The following PITPNC1 variants were observed in gnomAD, a reference collection of about 807,000 sequenced individuals.
PITPNC1 encodes the protein phosphatidylinositol transfer protein cytoplasmic 1.
In PITPNC1, 18 loss-of-function variants were observed where a neutral mutation model predicts 44.7. The observed-to-expected ratio is 0.40, with a 90% CI of 0.28 to 0.60. The LOEUF is 0.60. Among genes scored for constraint, PITPNC1 ranks in the 20% least tolerant of loss-of-function variants. The pLI is 0.39. For missense variants in PITPNC1, 290 were observed against 418.4 expected, an observed-to-expected ratio of 0.69 and a Z score of 2.68; for synonymous variants, 141 against 149.6, an observed-to-expected ratio of 0.94 and a Z score of 0.42.
At chr17:67,663,922 T>C (rs987782496) in intron 6 of PITPNC1, among the ~76,000 whole-genome samples, 1 of 152,148 alleles carries the variant, frequency 6.6e-6, no homozygotes, top group African/African-American at 2.4e-5. Flanking sequence ...AGCGAGCTTC[T>C]AGAATCAAGT....
intron 1 of PITPNC1, among the ~76,000 whole-genome samples, chr17:67,526,538 G>T (rs897991316): frequency 1.3e-5 from 2 of 152,068 alleles, no homozygotes; most frequent in Non-Finnish European, 2.9e-5. Context: ...AGATCAGCCT[G>T]GCCAACCTGG....
intron 5 of PITPNC1, among the ~76,000 whole-genome samples, chr17:67,628,886 C>T (rs1471256897): frequency 2.6e-5 from 4 of 152,208 alleles, no homozygotes; most frequent in Non-Finnish European, 5.9e-5. Context: ...CCAACAACAT[C>T]CAAATCTGAA....
chr17:67,670,787 T>A (rs72839429), intron 7 of PITPNC1, among the ~76,000 whole-genome samples: 20,155 of 149,650 alleles, frequency 0.13, 1,374 homozygotes, highest in East Asian at 0.22. Flanking sequence ...ATAAGAATAA[T>A]TCTGTTACCA....
At chr17:67,500,773 T>C (rs1012007743) in intron 1 of PITPNC1, among the ~76,000 whole-genome samples, 2 of 151,450 alleles carry the variant, frequency 1.3e-5, no homozygotes, top group African/African-American at 4.9e-5. Flanking sequence ...AGCCTCAAAC[T>C]CCTGGGCTCA....
rs185803242 is a variant in PITPNC1, at chr17:67,668,558, C to A, written c.463-950C>A. 3.3e-3 allele frequency among the ~76,000 whole-genome samples: 508 copies of A among 151,700 alleles called. 7 individuals are homozygous for A. Among genetic ancestry groups the A allele is most frequent in the East Asian group, 0.022 (113 of 5,138 alleles). Reference sequence around the variant, plus strand: ...GGCAACATAGTGAGACCCATCTCTACAAAAGAAGAAAAGAAAAAATTGAGG... The same window carrying A: ...GGCAACATAGTGAGACCCATCTCTAAAAAAGAAGAAAAGAAAAAATTGAGG... On this transcript the variant is annotated intron_variant, in intron 6 of 8. Coordinates refer to ENST00000581322, the MANE Select transcript of PITPNC1 (RefSeq NM_012417.4).
At chr17:67,382,728 A>T (rs554639974) in intron 1 of PITPNC1, among the ~76,000 whole-genome samples, 21 of 151,488 alleles carry the variant, frequency 1.4e-4, no homozygotes, top group African/African-American at 4.6e-4. Flanking sequence ...GGTTTCAAGC[A>T]AGTCTCCTGC....
chr17:67,618,484 C>G (rs760849082), intron 5 of PITPNC1, among the ~76,000 whole-genome samples: 10 of 151,664 alleles, frequency 6.6e-5, no homozygotes, highest in Non-Finnish European at 1.2e-4. Flanking sequence ...GGCATAGTGG[C>G]TCACGCCTGT....
At chr17:67,536,628 A>G (rs2040534867) in intron 2 of PITPNC1, among the ~76,000 whole-genome samples, 1 of 152,234 alleles carries the variant, frequency 6.6e-6, no homozygotes, top group Non-Finnish European at 1.5e-5. Context: ...AAACTTGATC[A>G]ATCCACAGAG....
chr17:67,401,571 T>C (rs1394600826), intron 1 of PITPNC1, among the ~76,000 whole-genome samples: 4 of 151,992 alleles, frequency 2.6e-5, no homozygotes, highest in Non-Finnish European at 4.4e-5. Context: ...GTTGGCTGGG[T>C]GCGGTGGCTC....
In PITPNC1 at chr17:67,647,105, A is replaced by G. The variant is rs537497123; in HGVS notation, c.462+14867A>G. On this transcript the variant is annotated intron_variant, in intron 6 of 8. Coordinates refer to ENST00000581322, the MANE Select transcript of PITPNC1 (RefSeq NM_012417.4). The stretch of plus-strand genomic sequence containing the variant: ...TGATCTTAGGGAAAGACTGGTATGT[A>G]GAAAAAGAAGGGCCTTTGAGACGGT... Among the ~76,000 whole-genome samples the G allele has an allele frequency of 6.6e-5, 10 of 152,314 alleles. No homozygotes were observed. In the South Asian group the frequency reaches 2.1e-3, roughly 32 times the overall value.
At chr17:67,653,630 T>C (rs919360370) in intron 6 of PITPNC1, among the ~76,000 whole-genome samples, 4 of 152,230 alleles carry the variant, frequency 2.6e-5, no homozygotes, top group African/African-American at 4.8e-5. Context: ...TAGGTACGAA[T>C]GAAAAACACA....
chr17:67,579,450 C>T (rs1224611963), intron 5 of PITPNC1, among the ~76,000 whole-genome samples: 2 of 152,026 alleles, frequency 1.3e-5, no homozygotes, highest in Non-Finnish European at 2.9e-5. Context: ...TCAGGAACCC[C>T]ATCGTTAGTG....
At chr17:67,509,234 A>AAAAT (rs928688220) in intron 1 of PITPNC1, among the ~76,000 whole-genome samples, 4 of 146,604 alleles carry the variant, frequency 2.7e-5, no homozygotes, top group Admixed American at 6.8e-5. Flanking sequence ...ATTCCGTCTC[A>AAAAT]AAATAAATAA....
intron 4 of PITPNC1, among the ~76,000 whole-genome samples, chr17:67,563,914 CTAGATTAGATATG>C (rs1476223309): frequency 6.6e-6 from 1 of 151,060 alleles, no homozygotes; most frequent in Non-Finnish European, 1.5e-5. Flanking sequence ...GATTAGATAG[CTAGATTAGATATG>C]TAGATTAGAT....
intron 1 of PITPNC1, among the ~76,000 whole-genome samples, chr17:67,440,514 ATTT>A: frequency 6.8e-6 from 1 of 147,272 alleles, no homozygotes; most frequent in Admixed American, 6.8e-5. Context: ...TTATTTATTT[ATTT>A]ATTTATTTAT....
intron 5 of PITPNC1, among the ~76,000 whole-genome samples, chr17:67,606,689 A>G (rs1387848279): frequency 1.3e-5 from 2 of 152,252 alleles, no homozygotes; most frequent in Non-Finnish European, 1.5e-5. Flanking sequence ...AGCCAATAGC[A>G]GTGGCGTGAA....
chr17:67,684,112 A>AT, intron 8 of PITPNC1, among the ~76,000 whole-genome samples: 1 of 68,734 alleles, frequency 1.5e-5, no homozygotes, highest in African/African-American at 5.9e-5. Flanking sequence ...CAAAATAACA[A>AT]ATTTTTTTTT....
chr17:67,440,764 C>G (rs2039001743), intron 1 of PITPNC1, among the ~76,000 whole-genome samples: 2 of 151,532 alleles, frequency 1.3e-5, no homozygotes, highest in African/African-American at 2.4e-5. Flanking sequence ...CCAGGCTGGT[C>G]TCTTAACTCC....
intron 1 of PITPNC1, among the ~76,000 whole-genome samples, chr17:67,454,175 C>T (rs745391480): frequency 7.9e-5 from 12 of 151,382 alleles, no homozygotes; most frequent in African/African-American, 1.9e-4. Context: ...CGCTTGAACA[C>T]GGGAGGCAGA....
Sources: allele counts gnomAD v4.1 joint callset (sites outside exome capture counted in the v4.1 genomes callset), GRCh38; gene constraint gnomAD v4.1.1; transcripts MANE v1.5; gene names NCBI Gene and HGNC (gene_info 2026-07-23, HGNC 2026-07-21).